SCAF4: variants seen among roughly 807,000 people sequenced by gnomAD.
SCAF4 encodes SR-related CTD associated factor 4.
In SCAF4, 25 loss-of-function variants were observed where a neutral mutation model predicts 129.8. The ratio of observed to expected loss-of-function variants is 0.19; its 90% CI spans 0.14 to 0.27. The LOEUF is 0.27. Ranked by LOEUF, SCAF4 falls within the 10% of genes least tolerant of loss-of-function variation. SCAF4 has a pLI of 1.00. For missense variants in SCAF4, 1,246 were observed against 1,457.1 expected, an observed-to-expected ratio of 0.86 and a Z score of 2.36; for synonymous variants, 551 against 497.7, an observed-to-expected ratio of 1.11 and a Z score of -1.43.
At position 31,696,753 on chromosome 21, in the gene SCAF4, G is replaced by A; in HGVS notation, c.778-3C>T. On this transcript the variant is annotated splice_region_variant and splice_polypyrimidine_tract_variant and intron_variant, in intron 7 of 19. Coordinates refer to ENST00000286835, the MANE Select transcript of SCAF4 (RefSeq NM_020706.2). ...TAGTCAAATCTATCAAGCAACTTCT[G>A]GAATAATTATGTCAATATTTCATTT... The A allele has an allele frequency of 6.3e-7, 1 of 1,594,656 alleles. No homozygotes were observed. Among genetic ancestry groups the A allele is most frequent in the Non-Finnish European group, 8.6e-7 (1 of 1,166,846 alleles).
chr21:31,727,823 T>G (rs2051245532), intron 1 of SCAF4, among the ~76,000 whole-genome samples: 1 of 152,096 alleles, frequency 6.6e-6, no homozygotes, highest in African/African-American at 2.4e-5. Flanking sequence ...CTTTATTCTA[T>G]TCCACAAACT....
Position 31,692,326 on chromosome 21 carries a change from T to C in SCAF4, c.1614+23A>G, listed in dbSNP as rs751430851. On this transcript the variant is annotated intron_variant, in intron 13 of 19. Coordinates refer to ENST00000286835, the MANE Select transcript of SCAF4 (RefSeq NM_020706.2). ...ATTAATCACACCTGTCCATCGTACT[T>C]AAAAAACTGAATAAACACTCACATT... 9.4e-5 allele frequency: 148 copies of C among 1,568,358 alleles called. 1 individual carries two copies. Among genetic ancestry groups the C allele is most frequent in the Non-Finnish European group, 1.2e-4 (136 of 1,138,658 alleles).
chr21:31,689,351 G>A (rs1182146128), intron 15 of SCAF4, among the ~76,000 whole-genome samples: 4 of 151,496 alleles, frequency 2.6e-5, no homozygotes, highest in African/African-American at 9.7e-5. Flanking sequence ...AGGATGGAGT[G>A]CAGTGGCGCA....
chr21:31,696,673 G>T lies in SCAF4; in HGVS notation c.855C>A (p.Val285=). 1 of 1,614,058 alleles carries T rather than the reference G, an allele frequency of 6.2e-7. No homozygotes were observed. The highest frequency in any genetic ancestry group is 2.2e-5 in the East Asian group (1 of 44,884). The change falls in exon 8 of 20, where the codon GTC becomes GTA. Residue 285 remains valine (V), a synonymous_variant. Transcript: ENST00000286835. ...CTGCGGCAGCAGGTGCTGTCGTGGT[G>T]ACGGCAGTGGTATCCTCTTTCTTTG... The part of the protein sequence containing the change: ...EESKKEDTTA[V]TTTAPAAAVP...
Position 31,672,014 on chromosome 21 carries a change from C to G in SCAF4, c.2829G>C (p.Pro943=), listed in dbSNP as rs374264642. 6.2e-7 allele frequency: 1 copy of G among 1,613,076 alleles called. No homozygotes were observed. Among genetic ancestry groups the G allele is most frequent in the African/African-American group, 1.3e-5 (1 of 74,928 alleles). ...GTGGCTGCTGCTGTGGCTGCTGCGG[C>G]GGCTGTTGCCTTCCGTCTCTGTCTT... is the stretch of plus-strand genomic sequence containing the variant. The part of the protein sequence containing the change: ...GPEDRDGRQQ[P]PQQPQQQPQP... Residue 943 remains proline, a synonymous_variant, in exon 20 of 20, where the codon CCG becomes CCC. Coordinates refer to ENST00000286835, the MANE Select transcript of SCAF4 (RefSeq NM_020706.2).
rs59555802 is a variant in SCAF4, at chr21:31,678,005, C to T, written c.2489-5651G>A. Among the ~76,000 whole-genome samples the T allele has an allele frequency of 4.1e-4, 62 of 152,224 alleles. No individual in the cohort carries two copies. The East Asian group carries it at 9.3e-3, about 23-fold the overall frequency. On this transcript the variant is annotated intron_variant, in intron 19 of 19. Transcript: ENST00000286835. ...TCTCACAGCATCATATTCTTAGCTG[C>T]CAAATGCTGAAGAATTTTGTCCTCA...
Position 31,694,882 on chromosome 21 carries a change from T to C in SCAF4, c.1167A>G (p.Pro389=), listed in dbSNP as rs1481325340. The change falls in exon 10 of 20, where the codon CCA becomes CCG. Residue 389 remains proline, a synonymous_variant. Coordinates refer to ENST00000286835, the MANE Select transcript of SCAF4 (RefSeq NM_020706.2). ...MAQPVIPPTP[P]VQQPFQASFQ... Reference sequence around the variant, plus strand: ...AAGAAGCTTGGAAAGGCTGCTGCACTGGTGGAGTTGGAGGAATCACAGGCT... The same window carrying C: ...AAGAAGCTTGGAAAGGCTGCTGCACCGGTGGAGTTGGAGGAATCACAGGCT... 15 of 1,614,184 alleles carry C rather than the reference T, an allele frequency of 9.3e-6. No individual in the cohort carries two copies. In the East Asian group the frequency reaches 3.3e-4, roughly 36 times the overall value.
At chr21:31,709,139 A>C (rs1360005612) in intron 1 of SCAF4, among the ~76,000 whole-genome samples, 1 of 152,144 alleles carries the variant, frequency 6.6e-6, no homozygotes, top group Non-Finnish European at 1.5e-5. Context: ...TCATTTCCTG[A>C]AATGTAGAGA....
intron 1 of SCAF4, among the ~76,000 whole-genome samples, chr21:31,724,190 TGTA>T (rs1362743359): frequency 6.6e-6 from 1 of 152,084 alleles, no homozygotes; most frequent in Non-Finnish European, 1.5e-5. Context: ...TAAAATCTCT[TGTA>T]GTTCTCAAAA....
rs2051379264 is a variant in SCAF4, at chr21:31,732,060, C to T, written c.-368G>A. Reference sequence around the variant, plus strand: ...GGCCGGCGAGCGGGCGGGCCTCTCTCTCCCTCTCTCCAGCGGGATGGCGGC... The same window carrying T: ...GGCCGGCGAGCGGGCGGGCCTCTCTTTCCCTCTCTCCAGCGGGATGGCGGC... On this transcript the variant is annotated 5_prime_UTR_variant, in exon 1 of 20. Coordinates refer to ENST00000286835, the MANE Select transcript of SCAF4 (RefSeq NM_020706.2). The T allele has an allele frequency of 2.4e-6, 1 of 423,678 alleles. No individual in the cohort carries two copies. Among genetic ancestry groups the T allele is most frequent in the East Asian group, 3.6e-5 (1 of 27,900 alleles). The allele number at this position is 423,678 out of a possible 1,614,324, so 26.2% of individuals were successfully genotyped here. A position where few individuals can be genotyped will look rare whatever the true frequency, so the allele number is the denominator to read the frequency against.
intron 1 of SCAF4, among the ~76,000 whole-genome samples, chr21:31,725,175 T>A (rs1266969178): frequency 2.0e-5 from 3 of 152,186 alleles, no homozygotes; most frequent in African/African-American, 7.2e-5. Flanking sequence ...CTACATCTTT[T>A]CCATACAGTA....
In SCAF4 at chr21:31,678,019, ATTT is replaced by A. The variant is rs2049902384; in HGVS notation, c.2489-5668_2489-5666del. Among the ~76,000 whole-genome samples, 28 of 152,278 alleles carry A rather than the reference ATTT, an allele frequency of 1.8e-4. No homozygotes were observed. In the South Asian group the frequency reaches 5.6e-3, roughly 30 times the overall value. On this transcript the variant is annotated intron_variant, in intron 19 of 19. Coordinates refer to ENST00000286835, the MANE Select transcript of SCAF4 (RefSeq NM_020706.2). The stretch of plus-strand genomic sequence containing the variant: ...ATTCTTAGCTGCCAAATGCTGAAGA[ATTT>A]TGTCCTCAGACCTCTCACCACTTCT...
intron 15 of SCAF4, 25 bp downstream of exon 15, chr21:31,690,772 T>G (rs2050241803): frequency 6.3e-7 from 1 of 1,599,602 alleles, no homozygotes; most frequent in Non-Finnish European, 8.5e-7. Context: ...AAGTGAACTG[T>G]AAGAGAAATT....
chr21:31,671,829 A>G lies in SCAF4; in HGVS notation c.3014T>C (p.Phe1005Ser). 1.2e-6 allele frequency: 2 copies of G among 1,614,036 alleles called. No individual in the cohort carries two copies. The highest frequency in any genetic ancestry group is 1.1e-5 in the South Asian group (1 of 91,080). ...CCGGTCATTTTCCACCCTATTTCCA[A>G]AAGATCTTCTTCCAAACCTTTCTTG... is the stretch of plus-strand genomic sequence containing the variant. ...RDQERFGRRS[F>S]GNRVENDRER... The change falls in exon 20 of 20, where the codon TTT becomes TCT. Residue 1005 changes from phenylalanine (F) to serine (S), a missense_variant. Physicochemically the swap from Phe to Ser is radical, Grantham distance 155. Transcript: ENST00000286835.
intron 1 of SCAF4, among the ~76,000 whole-genome samples, chr21:31,723,629 T>TGTGTGTGTGCGC (rs1271033175): frequency 2.2e-4 from 33 of 149,074 alleles, no homozygotes; most frequent in African/African-American, 7.6e-4. Context: ...TGTGTGTGTG[T>TGTGTGTGTGCGC]GCGCGCGCGC....
chr21:31,731,399 A>C (rs1431636956), intron 1 of SCAF4, among the ~76,000 whole-genome samples: 1 of 151,900 alleles, frequency 6.6e-6, no homozygotes, highest in East Asian at 1.9e-4. Context: ...GACTTGGGCT[A>C]TGGGAGGCCG....
intron 19 of SCAF4, among the ~76,000 whole-genome samples, chr21:31,678,196 T>G (rs1393178458): frequency 6.6e-6 from 1 of 152,156 alleles, no homozygotes; most frequent in Non-Finnish European, 1.5e-5. Context: ...AGTTAGAATA[T>G]CCAACATTTT....
chr21:31,724,631 G>C (rs1466141971), intron 1 of SCAF4, among the ~76,000 whole-genome samples: 1 of 152,076 alleles, frequency 6.6e-6, no homozygotes, highest in East Asian at 1.9e-4. Flanking sequence ...GTACAAAAAA[G>C]TTACTTCCAA....
chr21:31,675,913 T>C (rs1472183653), intron 19 of SCAF4, among the ~76,000 whole-genome samples: 1 of 152,120 alleles, frequency 6.6e-6, no homozygotes, highest in African/African-American at 2.4e-5. Context: ...AAGGTTGATT[T>C]CATAGTTGGA....
Sources: allele counts gnomAD v4.1 joint callset (sites outside exome capture counted in the v4.1 genomes callset), GRCh38; gene constraint gnomAD v4.1.1; transcripts MANE v1.5; gene names NCBI Gene and HGNC (gene_info 2026-07-23, HGNC 2026-07-21).